ITGB1: variants seen among roughly 807,000 people sequenced by gnomAD.
ITGB1 encodes the protein integrin beta-1.
ITGB1 carries 24 observed loss-of-function variants against 86.5 expected under a neutral mutation model. That is an observed-to-expected ratio of 0.28 (90% confidence interval 0.20 to 0.39). ITGB1 has a LOEUF of 0.39. Ranked by LOEUF, ITGB1 falls within the 10% of genes least tolerant of loss-of-function variation. The probability of loss-of-function intolerance (pLI) is 1.00; values close to 1 mark genes in which losing one functional copy is unlikely to be tolerated. For missense variants in ITGB1, 556 were observed against 946.9 expected (o/e 0.59, Z 5.42); for synonymous variants, 323 against 316.8 (o/e 1.02, Z -0.21).
intron 15 of ITGB1, chr10:32,906,505 G>T (rs2094896839): frequency 8.9e-6 from 2 of 223,978 alleles, no homozygotes; most frequent in South Asian, 8.7e-5. Context: ...CAGGAGAATT[G>T]CTGGAATCTG....
intron 2 of ITGB1, among the ~76,000 whole-genome samples, chr10:32,934,179 T>G (rs914386555): frequency 6.6e-6 from 1 of 152,204 alleles, no homozygotes; most frequent in African/African-American, 2.4e-5. Flanking sequence ...TAATATACAG[T>G]TGACCCTCTG....
chr10:32,944,902 A>G (rs1274999832), intron 1 of ITGB1: 5 of 1,328,078 alleles, frequency 3.8e-6, no homozygotes, highest in Non-Finnish European at 5.3e-6. Flanking sequence ...TCAAAAGACT[A>G]AAGGCTTATG....
rs536147492 is a variant in ITGB1, at chr10:32,942,549, G to A, written c.1-6991C>T. Among the ~76,000 whole-genome samples the A allele has an allele frequency of 1.4e-3, 218 of 152,298 alleles. 1 individual carries two copies. Among genetic ancestry groups the A allele is most frequent in the African/African-American group, 5.0e-3 (207 of 41,548 alleles). On this transcript the variant is annotated intron_variant, in intron 1 of 15. Transcript: ENST00000302278. Reference sequence around the variant, plus strand: ...ATAGCTATTGCACCTAGAAATACTTGGCACAAAGTCCATGCTCAAAACTCT... The same window carrying A: ...ATAGCTATTGCACCTAGAAATACTTAGCACAAAGTCCATGCTCAAAACTCT...
intron 15 of ITGB1, chr10:32,906,322 G>GCT (rs2094896333): frequency 6.6e-6 from 1 of 152,524 alleles, no homozygotes; most frequent in Non-Finnish European, 1.5e-5. Context: ...GGGCACAGTG[G>GCT]CTCACGCCTG....
intron 1 of ITGB1, among the ~76,000 whole-genome samples, chr10:32,939,776 A>G (rs1294778287): frequency 6.6e-6 from 1 of 151,846 alleles, no homozygotes; most frequent in Admixed American, 6.6e-5. Context: ...GAGAGGGGCA[A>G]GTGAGTACAC....
chr10:32,932,258 A>G (rs891123052), intron 3 of ITGB1, among the ~76,000 whole-genome samples: 4 of 152,166 alleles, frequency 2.6e-5, no homozygotes, highest in African/African-American at 9.6e-5. Flanking sequence ...TTATCATTTC[A>G]CCATTATTAT....
intron 15 of ITGB1, among the ~76,000 whole-genome samples, chr10:32,907,890 T>C (rs370371641): frequency 1.3e-5 from 2 of 152,198 alleles, no homozygotes; most frequent in African/African-American, 4.8e-5. Context: ...CAAATTTGTG[T>C]TGGGGCCACA....
At chr10:32,954,853 C>T (rs1320387673) in intron 1 of ITGB1, among the ~76,000 whole-genome samples, 1 of 152,218 alleles carries the variant, frequency 6.6e-6, no homozygotes, top group Non-Finnish European at 1.5e-5. Context: ...ATAGTTAACT[C>T]TACCTTCTAA....
chr10:32,929,219 C>T (rs1303251999), intron 4 of ITGB1, among the ~76,000 whole-genome samples: 3 of 152,008 alleles, frequency 2.0e-5, no homozygotes, highest in South Asian at 2.1e-4. Context: ...AAAATCCTGA[C>T]AAGGGTCCCC....
chr10:32,911,806 T>C (rs1272618789), intron 12 of ITGB1, 80 bp downstream of exon 12: 3 of 1,433,210 alleles, frequency 2.1e-6, no homozygotes, highest in Non-Finnish European at 2.9e-6. Flanking sequence ...CCTTTTCTAC[T>C]TATGCACCAA....
intron 1 of ITGB1, among the ~76,000 whole-genome samples, chr10:32,936,583 C>T (rs558263506): frequency 5.3e-5 from 8 of 151,694 alleles, no homozygotes; most frequent in African/African-American, 1.9e-4. Flanking sequence ...TCTTCTAGAA[C>T]CTCTAACCAA....
chr10:32,903,673 C>T (rs2094888591), intron 15 of ITGB1, among the ~76,000 whole-genome samples: 1 of 152,024 alleles, frequency 6.6e-6, no homozygotes, highest in Admixed American at 6.6e-5. Flanking sequence ...ACTCAGGATC[C>T]CTCAGAGACA....
At chr10:32,940,657 C>A (rs2095016245) in intron 1 of ITGB1, among the ~76,000 whole-genome samples, 1 of 152,156 alleles carries the variant, frequency 6.6e-6, no homozygotes, top group Non-Finnish European at 1.5e-5. Context: ...CCATGCCCAA[C>A]CATATATGTG....
chr10:32,956,413 A>AC (rs560678755), intron 1 of ITGB1, among the ~76,000 whole-genome samples: 14,111 of 149,496 alleles, frequency 0.094, 839 homozygotes, highest in Admixed American at 0.2. Context: ...AAAAAAAAAT[A>AC]AAAAAACCTA....
intron 3 of ITGB1, among the ~76,000 whole-genome samples, 167 bp from the exon 4 acceptor site, chr10:32,930,211 G>A (rs910097146): frequency 6.6e-6 from 1 of 152,166 alleles, no homozygotes; most frequent in Admixed American, 6.5e-5. Flanking sequence ...TGTGGTAAGT[G>A]TTCTTGTTAA....
intron 9 of ITGB1, 134 bp from the exon 10 acceptor site, chr10:32,920,519 T>A: frequency 1.4e-6 from 1 of 694,014 alleles, no homozygotes; most frequent in South Asian, 2.0e-5. Context: ...ATTGAGTAAC[T>A]AGAAAACACA....
intron 4 of ITGB1, among the ~76,000 whole-genome samples, chr10:32,928,773 A>G (rs1565826839): frequency 6.6e-6 from 1 of 151,198 alleles, no homozygotes; most frequent in Non-Finnish European, 1.5e-5. Context: ...TTTTATTTTT[A>G]TTATCATTAT....
intron 11 of ITGB1, 40 bp downstream of exon 11, chr10:32,919,845 C>G (rs1159414755): frequency 4.5e-6 from 7 of 1,569,940 alleles, no homozygotes; most frequent in African/African-American, 1.4e-5. Context: ...ACTCTCTAAA[C>G]CAATGTAGCT....
chr10:32,957,274 T>C (rs2095054266), intron 1 of ITGB1, among the ~76,000 whole-genome samples: 1 of 152,042 alleles, frequency 6.6e-6, no homozygotes. Context: ...AAGCACGAAT[T>C]TGATTAAATA....
Sources: allele counts gnomAD v4.1 joint callset (sites outside exome capture counted in the v4.1 genomes callset), GRCh38; gene constraint gnomAD v4.1.1; transcripts MANE v1.5; gene names NCBI Gene and HGNC (gene_info 2026-07-23, HGNC 2026-07-21).